The following NTRK3 variants were observed in gnomAD, a reference collection of about 807,000 sequenced individuals.
NTRK3 encodes NT-3 growth factor receptor.
NTRK3 carries 24 observed loss-of-function variants against 91.7 expected under a neutral mutation model. The ratio of observed to expected loss-of-function variants is 0.26; its 90% CI spans 0.19 to 0.37. The LOEUF (loss-of-function observed/expected upper bound fraction) is 0.37. Ranked by LOEUF, NTRK3 falls within the 10% of genes least tolerant of loss-of-function variation. The pLI, the probability that NTRK3 is intolerant of heterozygous loss-of-function variation, is 1.00. For missense variants in NTRK3, 880 were observed against 1,068.9 expected, an observed-to-expected ratio of 0.82 and a Z score of 2.46; for synonymous variants, 483 against 404.0, an observed-to-expected ratio of 1.20 and a Z score of -2.34.
At chr15:88,086,833 C>G (rs941738990) in intron 13 of NTRK3, among the ~76,000 whole-genome samples, 1 of 152,220 alleles carries the variant, frequency 6.6e-6, no homozygotes, top group Non-Finnish European at 1.5e-5. Context: ...CCTAGTTTTT[C>G]TCTTCACCTG....
intron 6 of NTRK3, among the ~76,000 whole-genome samples, chr15:88,147,133 T>C (rs144096957): frequency 1.1e-3 from 170 of 152,268 alleles, no homozygotes; most frequent in African/African-American, 4.0e-3. Flanking sequence ...TGAAATAGAT[T>C]GTGCCCAGAA....
At chr15:87,932,802 G>C (rs1351699539) in intron 16 of NTRK3, among the ~76,000 whole-genome samples, 1 of 152,148 alleles carries the variant, frequency 6.6e-6, no homozygotes, top group East Asian at 1.9e-4. Context: ...ACTTATCATA[G>C]TATCCTCAAC....
intron 14 of NTRK3, chr15:87,981,454 C>A: frequency 6.4e-7 from 1 of 1,567,818 alleles, no homozygotes; most frequent in African/African-American, 1.4e-5. Flanking sequence ...GTGCACAATG[C>A]CAGAAACAGA....
At chr15:88,044,821 C>A (rs545981548) in intron 13 of NTRK3, among the ~76,000 whole-genome samples, 9 of 152,140 alleles carry the variant, frequency 5.9e-5, no homozygotes, top group Non-Finnish European at 1.0e-4. Context: ...TGACACAGAC[C>A]CTATCATCTT....
intron 17 of NTRK3, among the ~76,000 whole-genome samples, chr15:87,880,805 T>C (rs1312835035): frequency 6.6e-6 from 1 of 152,232 alleles, no homozygotes; most frequent in Non-Finnish European, 1.5e-5. Flanking sequence ...GATCAGTATC[T>C]GCAAACATCA....
chr15:87,951,810 C>T (rs2071130853), intron 14 of NTRK3, among the ~76,000 whole-genome samples: 1 of 152,272 alleles, frequency 6.6e-6, no homozygotes, highest in South Asian at 2.1e-4. Context: ...CATGTGGGGT[C>T]CTTAACCCTA....
At chr15:87,886,699 T>TATATATATATAC (rs1265075771) in intron 17 of NTRK3, among the ~76,000 whole-genome samples, 19 of 138,458 alleles carry the variant, frequency 1.4e-4, no homozygotes, top group South Asian at 2.2e-4. Flanking sequence ...TATATATATA[T>TATATATATATAC]ACATATATAC....
chr15:88,206,155 C>G (rs1323132197), intron 3 of NTRK3, among the ~76,000 whole-genome samples: 1 of 147,762 alleles, frequency 6.8e-6, no homozygotes, highest in Non-Finnish European at 1.5e-5. Context: ...CTGGCTAACA[C>G]GGTGAAACCC....
chr15:88,104,007 T>C (rs943855343), intron 13 of NTRK3, among the ~76,000 whole-genome samples: 1 of 152,230 alleles, frequency 6.6e-6, no homozygotes, highest in Non-Finnish European at 1.5e-5. Flanking sequence ...CTTTTGAGTC[T>C]AGCATTCTTG....
chr15:87,970,181 G>A (rs748014530), intron 14 of NTRK3, among the ~76,000 whole-genome samples: 4 of 152,156 alleles, frequency 2.6e-5, no homozygotes, highest in African/African-American at 4.8e-5. Flanking sequence ...ACTGGGATCC[G>A]GGTCTTCATT....
chr15:88,151,034 C>T (rs2043326832), intron 5 of NTRK3, among the ~76,000 whole-genome samples: 1 of 152,132 alleles, frequency 6.6e-6, no homozygotes, highest in Non-Finnish European at 1.5e-5. Flanking sequence ...CCTCTGAGCC[C>T]CACGGCAGCC....
chr15:87,958,799 C>T (rs1010751498), intron 14 of NTRK3, among the ~76,000 whole-genome samples: 1 of 152,052 alleles, frequency 6.6e-6, no homozygotes, highest in Non-Finnish European at 1.5e-5. Flanking sequence ...CCCCTCTCTT[C>T]CATCCCTCAC....
chr15:88,059,235 G>C (rs149321132), intron 13 of NTRK3, among the ~76,000 whole-genome samples: 1 of 152,246 alleles, frequency 6.6e-6, no homozygotes, highest in East Asian at 1.9e-4. Flanking sequence ...ATAAATTAGA[G>C]AGCTATCCAT....
chr15:88,041,120 C>T (rs886285634), intron 13 of NTRK3, among the ~76,000 whole-genome samples: 3 of 152,150 alleles, frequency 2.0e-5, no homozygotes, highest in Non-Finnish European at 2.9e-5. Context: ...ATACAGAAGG[C>T]GATATGCCAG....
At chr15:88,236,723 G>T (rs1224699638) in intron 3 of NTRK3, among the ~76,000 whole-genome samples, 30 of 139,924 alleles carry the variant, frequency 2.1e-4, no homozygotes, top group East Asian at 2.1e-4. Flanking sequence ...CTATAAATTC[G>T]CCCATGAAAC....
rs565411992 is a variant in NTRK3, at chr15:88,041,994, T to G, written c.1397-8949A>C. 2.6e-5 allele frequency among the ~76,000 whole-genome samples: 4 copies of G among 152,122 alleles called. No individual in the cohort carries two copies. The South Asian group carries it at 6.2e-4, about 24-fold the overall frequency. On this transcript the variant is annotated intron_variant, in intron 13 of 18. Coordinates refer to ENST00000394480, the Ensembl canonical transcript of NTRK3. ...ATCTGACTTGGGTAGCAGAAGCAAA[T>G]AAGCCTGCATGGGTCTCATGCTTTT... is the stretch of plus-strand genomic sequence containing the variant.
intron 5 of NTRK3, among the ~76,000 whole-genome samples, chr15:88,152,832 T>C (rs369099085): frequency 6.6e-6 from 1 of 152,310 alleles, no homozygotes; most frequent in South Asian, 2.1e-4. Context: ...GCCACTAAGA[T>C]CTAATCTGGT....
At chr15:88,111,151 G>T (rs1350025110) in intron 13 of NTRK3, among the ~76,000 whole-genome samples, 2 of 152,200 alleles carry the variant, frequency 1.3e-5, no homozygotes, top group Non-Finnish European at 2.9e-5. Context: ...ATGGTTTGGG[G>T]CTCAATGGCT....
At position 88,071,364 on chromosome 15, in the gene NTRK3, C is replaced by T. The variant is rs368432004; in HGVS notation, c.1397-38319G>A. On this transcript the variant is annotated intron_variant, in intron 13 of 18. Coordinates refer to ENST00000394480, the Ensembl canonical transcript of NTRK3. Reference sequence around the variant, plus strand: ...GTGGAGGGAGCCACAGTGCCTGCTGCCGAGATTTCAACCTGTCACTTCTGT... The same window carrying T: ...GTGGAGGGAGCCACAGTGCCTGCTGTCGAGATTTCAACCTGTCACTTCTGT... Among the ~76,000 whole-genome samples, 37 of 152,356 alleles carry T rather than the reference C, an allele frequency of 2.4e-4. No individual in the cohort carries two copies. In the South Asian group the frequency reaches 7.7e-3, roughly 32 times the overall value.
Sources: gnomAD v4.1 joint callset for allele counts (sites outside exome capture counted in the v4.1 genomes callset) on GRCh38, gnomAD v4.1.1 for gene constraint, MANE v1.5 for transcripts, NCBI Gene and HGNC (gene_info 2026-07-23, HGNC 2026-07-21) for gene names.